The following HOMER1 variants were observed in gnomAD, a reference collection of about 807,000 sequenced individuals.
The protein encoded by HOMER1 is homer protein homolog 1.
In HOMER1, 3 loss-of-function variants were observed where a neutral mutation model predicts 48.9. The ratio of observed to expected loss-of-function variants is 0.06; its 90% CI spans 0.03 to 0.16. HOMER1 has a LOEUF of 0.16. Among genes scored for constraint, HOMER1 ranks in the 10% least tolerant of loss-of-function variants. The pLI, the probability that HOMER1 is intolerant of heterozygous loss-of-function variation, is 1.00. For synonymous variants in HOMER1, 134 were observed against 146.4 expected (o/e 0.92, Z 0.61); for missense variants, 247 against 411.4 (o/e 0.60, Z 3.46).
At chr5:79,497,977 C>T (rs1752474124) in intron 1 of HOMER1, among the ~76,000 whole-genome samples, 1 of 152,156 alleles carries the variant, frequency 6.6e-6, no homozygotes, top group Admixed American at 6.5e-5. Context: ...GTCCAGCAAC[C>T]TGTGTTTCAT....
intron 1 of HOMER1, among the ~76,000 whole-genome samples, chr5:79,498,765 A>T (rs1752492234): frequency 6.6e-6 from 1 of 152,110 alleles, no homozygotes; most frequent in Non-Finnish European, 1.5e-5. Flanking sequence ...CAAGTAACTT[A>T]CAACTACCTC....
At chr5:79,413,959 T>C (rs1378294466) in intron 5 of HOMER1, among the ~76,000 whole-genome samples, 4 of 152,170 alleles carry the variant, frequency 2.6e-5, no homozygotes, top group African/African-American at 9.7e-5. Flanking sequence ...AATAGCCTAG[T>C]ATATGAAGGA....
intron 2 of HOMER1, among the ~76,000 whole-genome samples, chr5:79,456,259 CAGTACTG>C (rs1478505630): frequency 1.3e-5 from 2 of 152,048 alleles, no homozygotes; most frequent in Non-Finnish European, 2.9e-5. Context: ...TTACAACCAC[CAGTACTG>C]AGTTGAGAAC....
At chr5:79,437,768 T>C (rs1481026007) in intron 5 of HOMER1, among the ~76,000 whole-genome samples, 3 of 152,184 alleles carry the variant, frequency 2.0e-5, no homozygotes, top group South Asian at 2.1e-4. Flanking sequence ...TCCTCCTTCC[T>C]CAGCCTCCCA....
At chr5:79,424,237 C>CCTTT (rs1750181245) in intron 5 of HOMER1, among the ~76,000 whole-genome samples, 1 of 151,788 alleles carries the variant, frequency 6.6e-6, no homozygotes, top group African/African-American at 2.4e-5. Context: ...GAGGAAGTAC[C>CCTTT]CTTTCTCTAA....
Position 79,451,008 on chromosome 5 carries a change from A to G in HOMER1, c.276T>C (p.Ser92=). The G allele has an allele frequency of 6.2e-7, 1 of 1,613,804 alleles. No individual in the cohort carries two copies. The highest frequency in any genetic ancestry group is 8.5e-7 in the Non-Finnish European group (1 of 1,179,754). Residue 92 remains serine (S), a synonymous_variant, in exon 3 of 9, where the codon TCT becomes TCC. Coordinates refer to ENST00000334082, the MANE Select transcript of HOMER1 (RefSeq NM_004272.5). ...AACTCACTTTCGAAAGATGATGCTC[A>G]GAGGAGAATCCCAATCCATAAACGG... is the stretch of plus-strand genomic sequence containing the variant. ...ANTVYGLGFS[S]EHHLSKFAEK... is the part of the protein sequence containing the mutation.
At chr5:79,499,050 G>C (rs893176983) in intron 1 of HOMER1, among the ~76,000 whole-genome samples, 6 of 151,988 alleles carry the variant, frequency 3.9e-5, no homozygotes, top group African/African-American at 1.5e-4. Flanking sequence ...TGGCCAGGAT[G>C]GTCTTGATCT....
At chr5:79,503,367 T>C (rs769309668) in intron 1 of HOMER1, among the ~76,000 whole-genome samples, 1 of 150,688 alleles carries the variant, frequency 6.6e-6, no homozygotes, top group Non-Finnish European at 1.5e-5. Flanking sequence ...CCGTCTCTAC[T>C]AAAAATACAA....
chr5:79,429,702 G>GA (rs1561360511), intron 5 of HOMER1, among the ~76,000 whole-genome samples: 1 of 152,012 alleles, frequency 6.6e-6, no homozygotes, highest in Non-Finnish European at 1.5e-5. Context: ...GTGCAAGAAA[G>GA]AAAAAAATGA....
chr5:79,401,755 A>G, intron 6 of HOMER1, 144 bp downstream of exon 6: 1 of 761,360 alleles, frequency 1.3e-6, no homozygotes, highest in Middle Eastern at 2.5e-4. Flanking sequence ...TCTTAATCAA[A>G]CAAATGCATA....
intron 1 of HOMER1, among the ~76,000 whole-genome samples, chr5:79,509,740 AT>A (rs1409328967): frequency 2.6e-5 from 4 of 152,224 alleles, no homozygotes; most frequent in African/African-American, 9.6e-5. Context: ...ATAAACTACT[AT>A]TAGGGGAGCC....
intron 8 of HOMER1, among the ~76,000 whole-genome samples, chr5:79,386,492 A>G (rs1749113139): frequency 6.6e-6 from 1 of 152,204 alleles, no homozygotes; most frequent in African/African-American, 2.4e-5. Context: ...GAAAATGAAA[A>G]AAGATCGGTG....
At chr5:79,452,011 T>A (rs773189558) in intron 2 of HOMER1, among the ~76,000 whole-genome samples, 1 of 152,198 alleles carries the variant, frequency 6.6e-6, no homozygotes, top group African/African-American at 2.4e-5. Context: ...TGTTCCTTGC[T>A]AGACTTGGGA....
At chr5:79,443,865 A>G (rs1185828863) in intron 4 of HOMER1, among the ~76,000 whole-genome samples, 7 of 152,228 alleles carry the variant, frequency 4.6e-5, no homozygotes, top group Non-Finnish European at 1.0e-4. Flanking sequence ...ATGATGATCA[A>G]TGATTCTATA....
Position 79,451,000 on chromosome 5 carries a change from T to A in HOMER1, c.284A>T (p.His95Leu), listed in dbSNP as rs1050952721. 4 of 1,613,142 alleles carry A rather than the reference T, an allele frequency of 2.5e-6. No individual in the cohort carries two copies. The African/African-American group carries it at 5.3e-5, about 22-fold the overall frequency. ...VYGLGFSSEH[H>L]LSKFAEKFQE... ...TATGATTTAACTCACTTTCGAAAGA[T>A]GATGCTCAGAGGAGAATCCCAATCC... Residue 95 changes from histidine (H) to leucine (L), a missense_variant, in exon 3 of 9, where the codon CAT becomes CTT. By Grantham distance (99) the His-to-Leu change is moderately conservative. Coordinates refer to ENST00000334082, the MANE Select transcript of HOMER1 (RefSeq NM_004272.5).
intron 8 of HOMER1, among the ~76,000 whole-genome samples, chr5:79,379,211 A>T (rs1402467097): frequency 1.9e-5 from 2 of 105,440 alleles, no homozygotes; most frequent in East Asian, 4.6e-4. Context: ...TATTATATAT[A>T]TTTTTATATA....
At chr5:79,464,302 C>T (rs1393764651) in intron 1 of HOMER1, among the ~76,000 whole-genome samples, 6 of 152,130 alleles carry the variant, frequency 3.9e-5, no homozygotes, top group African/African-American at 1.2e-4. Context: ...ATCCAATTCC[C>T]GACAAAAACA....
intron 1 of HOMER1, among the ~76,000 whole-genome samples, chr5:79,468,265 C>G (rs1751530866): frequency 6.6e-6 from 1 of 152,076 alleles, no homozygotes; most frequent in Non-Finnish European, 1.5e-5. Flanking sequence ...TATGGAACAA[C>G]CTGGGTATGT....
At chr5:79,476,383 G>A (rs1050314330) in intron 1 of HOMER1, among the ~76,000 whole-genome samples, 1 of 152,084 alleles carries the variant, frequency 6.6e-6, no homozygotes, top group Non-Finnish European at 1.5e-5. Flanking sequence ...CACCAGCTGG[G>A]TGTCCTCTAA....
Sources: gnomAD v4.1 joint callset for allele counts (sites outside exome capture counted in the v4.1 genomes callset) on GRCh38, gnomAD v4.1.1 for gene constraint, MANE v1.5 for transcripts, NCBI Gene and HGNC (gene_info 2026-07-23, HGNC 2026-07-21) for gene names.